The following NLGN1 variants were observed in gnomAD, a reference collection of about 807,000 sequenced individuals.
The protein encoded by NLGN1 is neuroligin 1.
In NLGN1, 12 loss-of-function variants were observed where a neutral mutation model predicts 65.5. The ratio of observed to expected loss-of-function variants is 0.18; its 90% CI spans 0.12 to 0.30. The LOEUF is 0.30. Among genes scored for constraint, NLGN1 ranks in the 10% least tolerant of loss-of-function variants. NLGN1 has a pLI of 1.00. For missense variants in NLGN1, 750 were observed against 1,007.1 expected (o/e 0.74, Z 3.46); for synonymous variants, 350 against 359.5 (o/e 0.97, Z 0.30).
chr3:173,689,396 C>G (rs1005187990), intron 3 of NLGN1, among the ~76,000 whole-genome samples: 1 of 152,108 alleles, frequency 6.6e-6, no homozygotes, highest in African/African-American at 2.4e-5. Context: ...TGTAGAGTTC[C>G]TCTGACTTCC....
At chr3:174,237,090 A>G (rs1046163933) in intron 4 of NLGN1, among the ~76,000 whole-genome samples, 3 of 152,220 alleles carry the variant, frequency 2.0e-5, no homozygotes, top group Middle Eastern at 3.4e-3. Flanking sequence ...ATTAGAAATA[A>G]TTATCATATA....
chr3:173,933,343 C>T (rs1420819901), intron 4 of NLGN1, among the ~76,000 whole-genome samples: 1 of 152,110 alleles, frequency 6.6e-6, no homozygotes. Context: ...AAATATGAGC[C>T]TCCACTAGTG....
At chr3:174,142,366 TA>T (rs1165784500) in intron 4 of NLGN1, among the ~76,000 whole-genome samples, 2 of 152,234 alleles carry the variant, frequency 1.3e-5, no homozygotes, top group Non-Finnish European at 2.9e-5. Flanking sequence ...TTTTTCTCTT[TA>T]ATTGCCATTA....
At chr3:174,175,965 C>T (rs1729374061) in intron 4 of NLGN1, among the ~76,000 whole-genome samples, 3 of 151,846 alleles carry the variant, frequency 2.0e-5, no homozygotes, top group African/African-American at 7.2e-5. Flanking sequence ...TTGTCCTTCT[C>T]ATTCACCACA....
intron 4 of NLGN1, among the ~76,000 whole-genome samples, chr3:174,034,901 A>G (rs1002114244): frequency 6.6e-6 from 1 of 152,210 alleles, no homozygotes; most frequent in African/African-American, 2.4e-5. Flanking sequence ...GGTGGATAAA[A>G]AAAAGACAAG....
At chr3:173,600,161 G>A (rs111255183) in intron 2 of NLGN1, among the ~76,000 whole-genome samples, 1 of 145,432 alleles carries the variant, frequency 6.9e-6, no homozygotes, top group Admixed American at 7.0e-5. Flanking sequence ...GTATATCTAT[G>A]TATGTGGGTA....
intron 2 of NLGN1, among the ~76,000 whole-genome samples, chr3:173,532,039 T>C (rs1384827028): frequency 2.6e-5 from 4 of 152,168 alleles, no homozygotes; most frequent in Admixed American, 2.0e-4. Context: ...TCACTAGATT[T>C]CCTTTGAATT....
At chr3:173,946,819 C>T (rs548188836) in intron 4 of NLGN1, among the ~76,000 whole-genome samples, 28 of 152,144 alleles carry the variant, frequency 1.8e-4, no homozygotes, top group African/African-American at 5.3e-4. Context: ...TTTACACTGG[C>T]GAGAATAAAT....
At chr3:173,682,177 A>G (rs1764032944) in intron 3 of NLGN1, among the ~76,000 whole-genome samples, 1 of 152,186 alleles carries the variant, frequency 6.6e-6, no homozygotes, top group Non-Finnish European at 1.5e-5. Flanking sequence ...AATTATATGA[A>G]AGAGTTTATG....
At chr3:173,528,793 CTGTT>C (rs1736072968) in intron 2 of NLGN1, among the ~76,000 whole-genome samples, 1 of 152,106 alleles carries the variant, frequency 6.6e-6, no homozygotes, top group Non-Finnish European at 1.5e-5. Flanking sequence ...TCCAAACGTT[CTGTT>C]TGTTTTTGTT....
At chr3:173,899,383 G>T (rs551593443) in intron 4 of NLGN1, among the ~76,000 whole-genome samples, 1 of 152,058 alleles carries the variant, frequency 6.6e-6, no homozygotes. Flanking sequence ...TGGAATAAGC[G>T]TAGAACATTT....
chr3:173,892,052 T>A (rs1173616861), intron 4 of NLGN1, among the ~76,000 whole-genome samples: 2 of 152,176 alleles, frequency 1.3e-5, no homozygotes, highest in African/African-American at 4.8e-5. Flanking sequence ...AGCACATCAT[T>A]GAAATGGTTT....
intron 4 of NLGN1, among the ~76,000 whole-genome samples, chr3:174,242,603 A>G (rs1743092076): frequency 6.6e-6 from 1 of 152,102 alleles, no homozygotes. Flanking sequence ...TGTGCTTCTT[A>G]TGAGAATCTG....
chr3:173,399,111 TG>T (rs1717176646), intron 1 of NLGN1, among the ~76,000 whole-genome samples: 1 of 152,238 alleles, frequency 6.6e-6, no homozygotes, highest in South Asian at 2.1e-4. Context: ...AAATTTACTG[TG>T]CCTTTGGCAG....
At position 173,910,615 on chromosome 3, in the gene NLGN1, A is replaced by T. The variant is rs569130346; in HGVS notation, c.646+102783A>T. The T allele has an allele frequency of 4.6e-5, 7 of 152,322 alleles. No individual in the cohort carries two copies. The South Asian group carries it at 1.5e-3, about 32-fold the overall frequency. The allele number at this position is 152,322 out of a possible 1,614,324, so 9.4% of individuals were successfully genotyped here. On this transcript the variant is annotated intron_variant, in intron 4 of 6. Transcript: ENST00000457714. ...TCTATACAAGGTATGCAGATTTTTC[A>T]ACTATATTCTACTAAAGTTCTTACG...
intron 4 of NLGN1, among the ~76,000 whole-genome samples, chr3:174,140,893 A>T (rs1722160906): frequency 6.6e-6 from 1 of 152,160 alleles, no homozygotes; most frequent in African/African-American, 2.4e-5. Flanking sequence ...ATTGGGAAAA[A>T]TTATATTAGT....
At chr3:174,231,393 G>C (rs78412534) in intron 4 of NLGN1, among the ~76,000 whole-genome samples, 1 of 152,306 alleles carries the variant, frequency 6.6e-6, no homozygotes, top group African/African-American at 2.4e-5. Flanking sequence ...ACAGCTCAGC[G>C]TTGGACTTCT....
intron 4 of NLGN1, among the ~76,000 whole-genome samples, chr3:173,968,687 C>CGTT (rs1715433401): frequency 3.4e-5 from 2 of 59,444 alleles, no homozygotes; most frequent in Non-Finnish European, 5.8e-5. Flanking sequence ...TGAAAATAAT[C>CGTT]TTTTTTTTTT....
intron 4 of NLGN1, among the ~76,000 whole-genome samples, chr3:174,107,410 A>G (rs1055649444): frequency 2.0e-5 from 3 of 152,074 alleles, no homozygotes; most frequent in African/African-American, 7.2e-5. Flanking sequence ...TATGCCCGGC[A>G]TTTTTCCCTT....
Sources: gnomAD v4.1 joint callset for allele counts (sites outside exome capture counted in the v4.1 genomes callset) on GRCh38, gnomAD v4.1.1 for gene constraint, MANE v1.5 for transcripts, NCBI Gene and HGNC (gene_info 2026-07-23, HGNC 2026-07-21) for gene names.